The following TNRC18 variants were observed in gnomAD, a reference collection of about 807,000 sequenced individuals.
TNRC18 encodes trinucleotide repeat-containing gene 18 protein.
Under a neutral mutation model 226.7 loss-of-function variants are expected in TNRC18, and 69 were observed. The observed-to-expected ratio is 0.30, with a 90% confidence interval of 0.25 to 0.37. The LOEUF is 0.37. Ranked by LOEUF, TNRC18 falls within the 10% of genes least tolerant of loss-of-function variation. TNRC18 has a pLI of 1.00. For synonymous variants in TNRC18, 2,449 were observed against 1,927.6 expected, an observed-to-expected ratio of 1.27 and a Z score of -7.09; for missense variants, 4,754 against 4,256.6, an observed-to-expected ratio of 1.12 and a Z score of -3.25.
intron 2 of TNRC18, among the ~76,000 whole-genome samples, chr7:5,418,656 CAAAT>C (rs754054649): frequency 2.0e-5 from 3 of 152,148 alleles, no homozygotes; most frequent in African/African-American, 7.2e-5. Flanking sequence ...CAAAAATAAA[CAAAT>C]AAAGATGGGA....
chr7:5,388,727 T>C lies in TNRC18; in HGVS notation c.1097A>G (p.Glu366Gly). 2.4e-6 allele frequency: 3 copies of C among 1,259,280 alleles called. No homozygotes were observed. Among genetic ancestry groups the C allele is most frequent in the Non-Finnish European group, 3.0e-6 (3 of 1,000,480 alleles). The allele number at this position is 1,259,280 out of a possible 1,614,324, so 78.0% of individuals were successfully genotyped here. The change falls in exon 5 of 30, where the codon GAG becomes GGG. Residue 366 changes from glutamate to glycine, a missense_variant. Transcript: ENST00000430969. ...VYTVFREQGR[E>G]HRVVAPTFVP... ...GAAGGTGGGCGCCACCACGCGGTGC[T>C]CACGGCCCTGCTCGCGGAAGACGGT...
intron 2 of TNRC18, among the ~76,000 whole-genome samples, chr7:5,397,015 G>A (rs1173981847): frequency 2.0e-5 from 3 of 152,174 alleles, no homozygotes; most frequent in African/African-American, 7.2e-5. Flanking sequence ...GGGCCCCAAA[G>A]ACAGGAGTGG....
rs1281313945 is a variant in TNRC18 at position 5,377,723 on chromosome 7, C to T, written c.2256-147G>A. ...GAACTGAAGGGCCTCCCGGGGCCTT[C>T]CACACTCACTGTAGGGGCAGTGGGG... On this transcript the variant is annotated intron_variant, in intron 6 of 29. Coordinates refer to ENST00000430969, the MANE Select transcript of TNRC18 (RefSeq NM_001080495.3). The surrounding 1 kb of genome is among the most constrained non-coding windows in gnomAD (Gnocchi z 5.8). 2.8e-6 allele frequency: 3 copies of T among 1,085,630 alleles called. No homozygotes were observed. The African/African-American group carries it at 4.8e-5, about 17-fold the overall frequency. The allele number at this position is 1,085,630 out of a possible 1,614,324, so 67.2% of individuals were successfully genotyped here. A position where few individuals can be genotyped will look rare whatever the true frequency, so the allele number is the denominator to read the frequency against.
chr7:5,356,501 G>C (rs1351314264), intron 16 of TNRC18, among the ~76,000 whole-genome samples: 2 of 152,242 alleles, frequency 1.3e-5, no homozygotes, highest in Non-Finnish European at 2.9e-5. Flanking sequence ...AGGGGAGTCC[G>C]GTCACCTCTA....
chr7:5,309,494 G>A lies in TNRC18; in HGVS notation c.8389-126C>T, dbSNP rs939270528. ...AAATCAACCCCTATCCAACTGTGGGGAGATGAGGAAGCTCCTTGTCTCGCT... is the reference window on the plus strand; with the variant it reads ...AAATCAACCCCTATCCAACTGTGGGAAGATGAGGAAGCTCCTTGTCTCGCT... On this transcript the variant is annotated intron_variant, in intron 27 of 29. Transcript: ENST00000430969. This position sits in a 1 kb window ranked among gnomAD's most constrained non-coding sequence, Gnocchi z 5.7. 10 of 767,644 alleles carry A rather than the reference G, an allele frequency of 1.3e-5. No homozygotes were observed. The highest frequency in any genetic ancestry group is 1.1e-4 in the East Asian group (4 of 36,992). The allele number at this position is 767,644 out of a possible 1,614,324, so 47.6% of individuals were successfully genotyped here. A position where few individuals can be genotyped will look rare whatever the true frequency, so the allele number is the denominator to read the frequency against.
At chr7:5,359,317 C>G in intron 15 of TNRC18, 81 bp downstream of exon 15, 1 of 1,451,506 alleles carries the variant, frequency 6.9e-7, no homozygotes, top group Non-Finnish European at 9.6e-7. Context: ...AAAGGGCCTG[C>G]GAAGGGAGCG....
rs768319122 is a variant in TNRC18 at position 5,313,028 on chromosome 7, G to GGAT, written c.7862_7863insATC (p.Ser2671dup). ...ATGAGGAGGAGGAGGAGGAGGAGGAGGAGGATGAGGAGGAGGAGGAGGAGG... is the reference window on the plus strand; with the variant it reads ...ATGAGGAGGAGGAGGAGGAGGAGGAGGATGAGGATGAGGAGGAGGAGGAGGAGG... On this transcript the variant is annotated inframe_insertion, in exon 27 of 30. Coordinates refer to ENST00000430969, the MANE Select transcript of TNRC18 (RefSeq NM_001080495.3). 4.5e-3 allele frequency: 3,899 copies of GGAT among 872,128 alleles called. 262 individuals are homozygous for GGAT. In the African/African-American group the frequency reaches 0.059, roughly 13 times the overall value. The allele number at this position is 872,128 out of a possible 1,614,324, so 54.0% of individuals were successfully genotyped here.
rs1293902211 is a variant in TNRC18 at position 5,307,753 on chromosome 7, C to G, written c.*353G>C. ...CACCGAATCCCCAGTCTGCATGGAC[C>G]TGGGGGCACCCGGGCCCCCACGCAG... On this transcript the variant is annotated 3_prime_UTR_variant, in exon 30 of 30. Transcript: ENST00000430969. 5.3e-6 allele frequency: 2 copies of G among 374,510 alleles called. No individual in the cohort carries two copies. Among genetic ancestry groups the G allele is most frequent in the Non-Finnish European group, 1.0e-5 (2 of 194,544 alleles). The allele number at this position is 374,510 out of a possible 1,614,324, so 23.2% of individuals were successfully genotyped here.
At chr7:5,417,123 C>G (rs956842471) in intron 2 of TNRC18, among the ~76,000 whole-genome samples, 1 of 150,760 alleles carries the variant, frequency 6.6e-6, no homozygotes, top group Non-Finnish European at 1.5e-5. Context: ...CCACTGCACT[C>G]CAGCCTGGGT....
chr7:5,325,137 T>C lies in TNRC18; in HGVS notation c.6259A>G (p.Arg2087Gly). 4 of 1,550,976 alleles carry C rather than the reference T, an allele frequency of 2.6e-6. No individual in the cohort carries two copies. Among genetic ancestry groups the C allele is most frequent in the Non-Finnish European group, 3.5e-6 (4 of 1,147,392 alleles). Reference sequence around the variant, plus strand: ...TTCCCTTTGGCCTTGGCTTTGCTCCTTTTGGCAGCGGTCAGGGAGCTGGCG... The same window carrying C: ...TTCCCTTTGGCCTTGGCTTTGCTCCCTTTGGCAGCGGTCAGGGAGCTGGCG... ...PHASSLTAAKRSKAKAKGKEV... is the reference protein window; with the variant it reads ...PHASSLTAAKGSKAKAKGKEV... The change falls in exon 20 of 30, where the codon AGG becomes GGG. Residue 2087 changes from arginine to glycine, a missense_variant. By Grantham distance (125) the Arg-to-Gly change is moderately radical. Transcript: ENST00000430969.
At position 5,308,067 on chromosome 7, in the gene TNRC18, C is replaced by G. The variant is rs375418243; in HGVS notation, c.*39G>C. 3.9e-6 allele frequency: 6 copies of G among 1,527,926 alleles called. No individual in the cohort carries two copies. In the African/African-American group the frequency reaches 5.5e-5, roughly 14 times the overall value. The allele number at this position is 1,527,926 out of a possible 1,614,324, so 94.6% of individuals were successfully genotyped here. A position where few individuals can be genotyped will look rare whatever the true frequency, so the allele number is the denominator to read the frequency against. ...GCAGTGATGGAGATGGGTCCCTGGC[C>G]GCCCTCGGGGCACAGGTGGCCCGCA... On this transcript the variant is annotated 3_prime_UTR_variant, in exon 30 of 30. Coordinates refer to ENST00000430969, the MANE Select transcript of TNRC18 (RefSeq NM_001080495.3).
Position 5,333,427 on chromosome 7 carries a change from C to T in TNRC18, c.5720-378G>A, listed in dbSNP as rs374759440. 3.9e-5 allele frequency among the ~76,000 whole-genome samples: 6 copies of T among 152,222 alleles called. No homozygotes were observed. In the East Asian group the frequency reaches 9.6e-4, roughly 24 times the overall value. On this transcript the variant is annotated intron_variant, in intron 18 of 29. Coordinates refer to ENST00000430969, the MANE Select transcript of TNRC18 (RefSeq NM_001080495.3). ...TCTAAGGCAGGCAGGCGGGGAAACC[C>T]GCAGAGAATCCCCAAGCCCCGCTCG...
intron 2 of TNRC18, chr7:5,420,214 C>G (rs1782465682): frequency 2.8e-6 from 1 of 351,614 alleles, no homozygotes; most frequent in South Asian, 2.1e-5. Flanking sequence ...CAGCCCGTCT[C>G]GGGAAATGGT....
chr7:5,356,831 G>GC, intron 16 of TNRC18, 85 bp downstream of exon 16: 2 of 1,295,846 alleles, frequency 1.5e-6, no homozygotes, highest in Non-Finnish European at 2.0e-6. Context: ...AGTGAGGGGC[G>GC]GGGGGGGAAG....
At chr7:5,396,387 G>A (rs561291703) in intron 2 of TNRC18, among the ~76,000 whole-genome samples, 53 of 152,012 alleles carry the variant, frequency 3.5e-4, no homozygotes, top group South Asian at 8.3e-4. Context: ...ACAACAGGCC[G>A]GGCAAGGTGG....
At chr7:5,397,534 G>T (rs1030651902) in intron 2 of TNRC18, among the ~76,000 whole-genome samples, 2 of 152,132 alleles carry the variant, frequency 1.3e-5, no homozygotes, top group Non-Finnish European at 2.9e-5. Context: ...CAGTGCCTCA[G>T]TCTGCCACTC....
rs1372291218 is a variant in TNRC18 at position 5,359,470 on chromosome 7, G to A, written c.4761C>T (p.Ile1587=). The A allele has an allele frequency of 1.9e-5, 31 of 1,613,822 alleles. No homozygotes were observed. The highest frequency in any genetic ancestry group is 1.1e-4 in the East Asian group (5 of 44,892). ...TCCTCCCCCTGGCTTTCCCCATTCC[G>A]ATGAGGGCATCATGTTCCTCCTCAG... ...KGSEEEHDAL[I]GMGKARGRNQ... is the part of the protein sequence containing the mutation. The change falls in exon 15 of 30, where the codon ATC becomes ATT. Residue 1587 remains isoleucine, a synonymous_variant. Transcript: ENST00000430969.
At chr7:5,408,128 C>G (rs552162495) in intron 2 of TNRC18, among the ~76,000 whole-genome samples, 1 of 151,680 alleles carries the variant, frequency 6.6e-6, no homozygotes, top group African/African-American at 2.4e-5. Flanking sequence ...GGTGAAACGC[C>G]GTCTCTGCTA....
intron 2 of TNRC18, among the ~76,000 whole-genome samples, chr7:5,399,987 T>TCGCCC (rs1780971929): frequency 6.6e-6 from 1 of 151,840 alleles, no homozygotes; most frequent in Non-Finnish European, 1.5e-5. Flanking sequence ...CCTCCCGGGC[T>TCGCCC]CAAGCAATCG....
Sources: gnomAD v4.1 joint callset for allele counts (sites outside exome capture counted in the v4.1 genomes callset) on GRCh38, gnomAD v4.1.1 for gene constraint, Gnocchi (gnomAD v3.1) non-coding constraint, MANE v1.5 for transcripts, NCBI Gene and HGNC (gene_info 2026-07-23, HGNC 2026-07-21) for gene names.